PBX1: variants seen among roughly 807,000 people sequenced by gnomAD.
PBX1 encodes the protein pre-B-cell leukemia transcription factor 1.
Under a neutral mutation model 53.4 loss-of-function variants are expected in PBX1, and 6 were observed. That is an observed-to-expected ratio of 0.11 (90% CI 0.06 to 0.22). The LOEUF (loss-of-function observed/expected upper bound fraction) is 0.22. Among genes scored for constraint, PBX1 ranks in the 10% least tolerant of loss-of-function variants. The probability of loss-of-function intolerance (pLI) is 1.00; values close to 1 mark genes in which losing one functional copy is unlikely to be tolerated. For missense variants in PBX1, 251 were observed against 551.4 expected, an observed-to-expected ratio of 0.46 and a Z score of 5.46; for synonymous variants, 204 against 212.3, an observed-to-expected ratio of 0.96 and a Z score of 0.34.
chr1:164,786,727 G>GCC, intron 2 of PBX1, among the ~76,000 whole-genome samples: 1 of 136,512 alleles, frequency 7.3e-6, no homozygotes, highest in Non-Finnish European at 1.6e-5. Flanking sequence ...GTGTGCGCGC[G>GCC]CACACACACA....
chr1:164,807,809 A>G lies in PBX1; in HGVS notation c.837+132A>G, dbSNP rs551910162. The G allele has an allele frequency of 1.5e-4, 156 of 1,056,524 alleles. No individual in the cohort carries two copies. The African/African-American group carries it at 2.1e-3, about 14-fold the overall frequency. The allele number at this position is 1,056,524 out of a possible 1,614,324, so 65.4% of individuals were successfully genotyped here. A position where few individuals can be genotyped will look rare whatever the true frequency, so the allele number is the denominator to read the frequency against. ...CATCAGCTATAGCCTTAAAATATCA[A>G]GGTAAGCACTTGATGTGTATGCGTA... On this transcript the variant is annotated intron_variant, in intron 5 of 8. Coordinates refer to ENST00000420696, the MANE Select transcript of PBX1 (RefSeq NM_002585.4).
At chr1:164,756,915 A>G (rs1666558169) in intron 2 of PBX1, among the ~76,000 whole-genome samples, 1 of 152,258 alleles carries the variant, frequency 6.6e-6, no homozygotes, top group South Asian at 2.1e-4. Context: ...AAAAAAATGT[A>G]TTTATGAAGC....
intron 1 of PBX1, chr1:164,560,227 C>T (rs1652934303): frequency 4.1e-6 from 2 of 484,922 alleles, no homozygotes; most frequent in Non-Finnish European, 7.3e-6. Flanking sequence ...TGGCTGTGTA[C>T]ATATTTGTGT....
chr1:164,579,879 A>T (rs1654491785), intron 2 of PBX1, among the ~76,000 whole-genome samples: 1 of 152,198 alleles, frequency 6.6e-6, no homozygotes, highest in Admixed American at 6.5e-5. Flanking sequence ...GTACAGCGCT[A>T]TTATTACTCT....
chr1:164,841,238 C>T (rs1255434394), intron 8 of PBX1, among the ~76,000 whole-genome samples: 2 of 152,056 alleles, frequency 1.3e-5, no homozygotes, highest in Non-Finnish European at 2.9e-5. Flanking sequence ...ACAAAGCAGC[C>T]AAGGTGTGAG....
At chr1:164,751,606 A>G (rs1666226298) in intron 2 of PBX1, among the ~76,000 whole-genome samples, 2 of 144,676 alleles carry the variant, frequency 1.4e-5, no homozygotes, top group Non-Finnish European at 3.0e-5. Context: ...TTTTGAGACA[A>G]GAGTCTTGCT....
intron 8 of PBX1, among the ~76,000 whole-genome samples, chr1:164,844,466 T>A (rs1168279593): frequency 6.6e-6 from 1 of 152,154 alleles, no homozygotes; most frequent in African/African-American, 2.4e-5. Flanking sequence ...AACATTCACA[T>A]ATAAAAATGA....
rs926044398 is a variant in PBX1, at chr1:164,848,774, G to A, written c.*2098G>A. The A allele has an allele frequency of 2.3e-4, 244 of 1,061,270 alleles. No individual in the cohort carries two copies. The highest frequency in any genetic ancestry group is 2.6e-4 in the Non-Finnish European group (225 of 876,898). The allele number at this position is 1,061,270 out of a possible 1,614,324, so 65.7% of individuals were successfully genotyped here. A position where few individuals can be genotyped will look rare whatever the true frequency, so the allele number is the denominator to read the frequency against. On this transcript the variant is annotated 3_prime_UTR_variant, in exon 9 of 9. Coordinates refer to ENST00000420696, the MANE Select transcript of PBX1 (RefSeq NM_002585.4). ...ATGAGACCCTGAGGGGTGAGAATGGGCAGCTAGCAAGAACATGGAAATTCT... is the reference window on the plus strand; with the variant it reads ...ATGAGACCCTGAGGGGTGAGAATGGACAGCTAGCAAGAACATGGAAATTCT...
chr1:164,752,883 A>G (rs1364497785), intron 2 of PBX1, among the ~76,000 whole-genome samples: 1 of 152,196 alleles, frequency 6.6e-6, no homozygotes, highest in Non-Finnish European at 1.5e-5. Context: ...GAGAATGTAT[A>G]TTGAATCCCT....
chr1:164,776,942 G>GGAGAGAGAGAGAGAGA (rs377054240), intron 2 of PBX1, among the ~76,000 whole-genome samples: 1 of 43,566 alleles, frequency 2.3e-5, no homozygotes, highest in African/African-American at 1.1e-4. Flanking sequence ...TGTGGTGGGA[G>GGAGAGAGAGAGAGAGA]GAGAGAGAGA....
At chr1:164,807,357 C>T (rs1467012770) in intron 4 of PBX1, among the ~76,000 whole-genome samples, 185 bp from the exon 5 acceptor site, 1 of 152,210 alleles carries the variant, frequency 6.6e-6, no homozygotes, top group Non-Finnish European at 1.5e-5. Context: ...CCAGATGGTA[C>T]ACAATGAAGT....
intron 2 of PBX1, among the ~76,000 whole-genome samples, chr1:164,596,347 C>T (rs1294412124): frequency 6.6e-6 from 1 of 152,168 alleles, no homozygotes; most frequent in Non-Finnish European, 1.5e-5. Flanking sequence ...CTTTCTAGTT[C>T]ATCATAGTCC....
rs556891907 is a variant in PBX1, at chr1:164,846,903, C to T, written c.*227C>T. The T allele has an allele frequency of 8.0e-6, 11 of 1,374,612 alleles. No homozygotes were observed. The South Asian group carries it at 2.0e-4, about 25-fold the overall frequency. The allele number at this position is 1,374,612 out of a possible 1,614,324, so 85.2% of individuals were successfully genotyped here. A position where few individuals can be genotyped will look rare whatever the true frequency, so the allele number is the denominator to read the frequency against. On this transcript the variant is annotated 3_prime_UTR_variant, in exon 9 of 9. Transcript: ENST00000420696. Reference sequence around the variant, plus strand: ...TCTGGGTAGAAGCCACCCTTCCCTGCCTCCAGCTGTCAGCCTGGTTTTCGT... The same window carrying T: ...TCTGGGTAGAAGCCACCCTTCCCTGTCTCCAGCTGTCAGCCTGGTTTTCGT...
intron 2 of PBX1, chr1:164,564,119 G>A (rs1245751974): frequency 6.6e-6 from 1 of 152,078 alleles, no homozygotes; most frequent in Non-Finnish European, 1.5e-5. Flanking sequence ...GCTCTCCCTT[G>A]TAAGAAGAAA....
At chr1:164,588,441 A>T (rs1655104145) in intron 2 of PBX1, among the ~76,000 whole-genome samples, 1 of 149,074 alleles carries the variant, frequency 6.7e-6, no homozygotes, top group Non-Finnish European at 1.5e-5. Flanking sequence ...AGATGAGGAA[A>T]AAGAGAAAAG....
At chr1:164,607,019 T>C (rs1656603063) in intron 2 of PBX1, among the ~76,000 whole-genome samples, 1 of 152,204 alleles carries the variant, frequency 6.6e-6, no homozygotes, top group African/African-American at 2.4e-5. Flanking sequence ...AAGAGCAAGT[T>C]TGTGGCACAC....
intron 2 of PBX1, among the ~76,000 whole-genome samples, chr1:164,631,615 A>G (rs1177363741): frequency 6.6e-6 from 1 of 152,226 alleles, no homozygotes; most frequent in Non-Finnish European, 1.5e-5. Flanking sequence ...TGTGATAGAA[A>G]AAAGACAGTC....
chr1:164,614,729 A>G (rs903214021), intron 2 of PBX1, among the ~76,000 whole-genome samples: 7 of 152,174 alleles, frequency 4.6e-5, no homozygotes, highest in African/African-American at 9.7e-5. Flanking sequence ...TTTCTAGGGC[A>G]TGACCGGCAG....
intron 2 of PBX1, among the ~76,000 whole-genome samples, chr1:164,885,542 C>A (rs1354247497): frequency 6.6e-6 from 1 of 152,176 alleles, no homozygotes; most frequent in Non-Finnish European, 1.5e-5. Context: ...TAATGTCACT[C>A]ACACTACGTC....
Sources: allele counts gnomAD v4.1 joint callset (sites outside exome capture counted in the v4.1 genomes callset), GRCh38; gene constraint gnomAD v4.1.1; transcripts MANE v1.5; gene names NCBI Gene and HGNC (gene_info 2026-07-23, HGNC 2026-07-21).